STC1: variants seen among roughly 807,000 people sequenced by gnomAD.
STC1 encodes stanniocalcin 1.
A neutral mutation model predicts 22.6 loss-of-function variants in STC1; 7 were observed. The ratio of observed to expected loss-of-function variants is 0.31; its 90% CI spans 0.18 to 0.58. The LOEUF is 0.58. Ranked by LOEUF, STC1 falls within the 20% of genes least tolerant of loss-of-function variation. STC1 has a pLI of 0.89. For synonymous variants in STC1, 113 were observed against 120.7 expected (o/e 0.94, Z 0.42); for missense variants, 224 against 311.0 (o/e 0.72, Z 2.10).
At chr8:23,848,529 C>CAAAAAA (rs796433655) in intron 3 of STC1, among the ~76,000 whole-genome samples, 20 of 63,590 alleles carry the variant, frequency 3.1e-4, no homozygotes, top group Non-Finnish European at 3.9e-4. Context: ...GATACTCTGT[C>CAAAAAA]AAAAAAAAAA....
In STC1 at chr8:23,854,506, T is replaced by G; in HGVS notation, c.18A>C (p.Ala6=). 1.2e-6 allele frequency: 2 copies of G among 1,613,520 alleles called. No homozygotes were observed. Among genetic ancestry groups the G allele is most frequent in the Non-Finnish European group, 1.7e-6 (2 of 1,179,918 alleles). Residue 6 remains alanine, a synonymous_variant, in exon 1 of 4, where the codon GCA becomes GCC. Transcript: ENST00000290271. ...CACTGATCACCAGCACCAGAAGCACTGCTGAGTTTTGGAGCATTCTCTGAG... is the reference window on the plus strand; with the variant it reads ...CACTGATCACCAGCACCAGAAGCACGGCTGAGTTTTGGAGCATTCTCTGAG... MLQNS[A]VLLVLVISAS... is the part of the protein sequence containing the mutation.
chr8:23,845,126 G>A (rs570450161), intron 3 of STC1, 86 bp from the exon 4 acceptor site: 9 of 1,429,026 alleles, frequency 6.3e-6, no homozygotes, highest in South Asian at 5.0e-5. Flanking sequence ...TAGCCAACAC[G>A]AGTCCCTAAT....
At position 23,843,094 on chromosome 8, in the gene STC1, G is replaced by T. The variant is rs1802532965; in HGVS notation, c.*1676C>A. Reference sequence around the variant, plus strand: ...AAGCGAGTTTGGAGTGGCCCCTGCAGTCCTACCCCTCCTCCCTCTCTTCCT... The same window carrying T: ...AAGCGAGTTTGGAGTGGCCCCTGCATTCCTACCCCTCCTCCCTCTCTTCCT... On this transcript the variant is annotated 3_prime_UTR_variant, in exon 4 of 4. Coordinates refer to ENST00000290271, the MANE Select transcript of STC1 (RefSeq NM_003155.3). 1.3e-5 allele frequency: 2 copies of T among 152,654 alleles called. No individual in the cohort carries two copies. The highest frequency in any genetic ancestry group is 2.9e-5 in the Non-Finnish European group (2 of 68,162). The allele number at this position is 152,654 out of a possible 1,614,324, so 9.5% of individuals were successfully genotyped here.
Position 23,842,406 on chromosome 8 carries a change from T to C in STC1, c.*2364A>G, listed in dbSNP as rs1345984358. ...AACTGCTTCTTTCTGTATGTGTAGA[T>C]ATATGTATTGTAGATACATATATAG... On this transcript the variant is annotated 3_prime_UTR_variant, in exon 4 of 4. Transcript: ENST00000290271. 7.3e-6 allele frequency: 1 copy of C among 137,476 alleles called. No individual in the cohort carries two copies. The highest frequency in any genetic ancestry group is 2.1e-4 in the East Asian group (1 of 4,670). 8.5% of individuals were successfully genotyped at this position (137,476 alleles called of 1,614,324 possible). A position where few individuals can be genotyped will look rare whatever the true frequency, so the allele number is the denominator to read the frequency against.
intron 3 of STC1, 21 bp from the exon 4 acceptor site, chr8:23,845,061 C>T (rs1802555841): frequency 1.2e-6 from 2 of 1,610,652 alleles, no homozygotes; most frequent in Non-Finnish European, 1.7e-6. Flanking sequence ...AAAGAGAGTG[C>T]ATATGGTGGT....
rs1212777965 is a variant in STC1, at chr8:23,844,085, G to A, written c.*685C>T. On this transcript the variant is annotated 3_prime_UTR_variant, in exon 4 of 4. Transcript: ENST00000290271. ...CTCTGGTTTTAAGACAATTGTTAAA[G>A]ATACTTTTAAAGCTCTGAGCAGTTA... is the stretch of plus-strand genomic sequence containing the variant. The A allele has an allele frequency of 6.5e-6, 1 of 152,906 alleles. No homozygotes were observed. The highest frequency in any genetic ancestry group is 2.4e-5 in the African/African-American group (1 of 41,458). 9.5% of individuals were successfully genotyped at this position (152,906 alleles called of 1,614,324 possible). A position where few individuals can be genotyped will look rare whatever the true frequency, so the allele number is the denominator to read the frequency against.
chr8:23,849,028 A>G (rs1450387688), intron 3 of STC1, among the ~76,000 whole-genome samples: 1 of 152,050 alleles, frequency 6.6e-6, no homozygotes, highest in Non-Finnish European at 1.5e-5. Context: ...GCAGGTGGAA[A>G]CTCCAGCTAC....
At chr8:23,845,759 C>A (rs1046237104) in intron 3 of STC1, among the ~76,000 whole-genome samples, 2 of 152,170 alleles carry the variant, frequency 1.3e-5, no homozygotes, top group African/African-American at 4.8e-5. Context: ...AAATCCTAGG[C>A]AAGAAGTCTA....
chr8:23,854,353 G>T, intron 1 of STC1, 53 bp downstream of exon 1: 3 of 1,484,850 alleles, frequency 2.0e-6, no homozygotes, highest in Non-Finnish European at 2.8e-6. Context: ...AAAGGGAGAG[G>T]CAAATGAGGA....
chr8:23,846,639 G>A (rs1383567161), intron 3 of STC1, among the ~76,000 whole-genome samples: 1 of 152,184 alleles, frequency 6.6e-6, no homozygotes, highest in Non-Finnish European at 1.5e-5. Flanking sequence ...TCACCCTTCT[G>A]TGGCACAGCA....
chr8:23,844,926 G>C lies in STC1; in HGVS notation c.588C>G (p.Ile196Met). 1.2e-6 allele frequency: 2 copies of C among 1,614,152 alleles called. No individual in the cohort carries two copies. The highest frequency in any genetic ancestry group is 1.7e-6 in the Non-Finnish European group (2 of 1,180,040). The stretch of plus-strand genomic sequence containing the variant: ...TTTGGGCACAGTGGTCTGTCTGCAG[G>C]ATGTGGAAGAGGCTGGCCATGTTAG... ...IGPNMASLFHILQTDHCAQTH... is the reference protein window; with the variant it reads ...IGPNMASLFHMLQTDHCAQTH... The change falls in exon 4 of 4, where the codon ATC (isoleucine) becomes ATG (methionine). Residue 196 changes from isoleucine to methionine, a missense_variant. Ile to Met is a conservative substitution (Grantham distance 10). Transcript: ENST00000290271.
At chr8:23,852,198 T>C (rs1802646097) in intron 2 of STC1, 44 bp downstream of exon 2, 2 of 1,613,020 alleles carry the variant, frequency 1.2e-6, no homozygotes, top group Non-Finnish European at 1.7e-6. Flanking sequence ...AACACACTGT[T>C]AAAGACAAGC....
chr8:23,854,372 T>C, intron 1 of STC1, 34 bp downstream of exon 1: 1 of 1,581,608 alleles, frequency 6.3e-7, no homozygotes. Context: ...GACAGCTCTT[T>C]GGGGGAGAAA....
chr8:23,854,385 G>T, intron 1 of STC1, 21 bp downstream of exon 1: 1 of 1,604,556 alleles, frequency 6.2e-7, no homozygotes. Context: ...GGGAGAAACC[G>T]CTCTTGGGTT....
At chr8:23,851,557 A>T (rs780240096) in intron 2 of STC1, 26 bp from the exon 3 acceptor site, 15 of 1,611,250 alleles carry the variant, frequency 9.3e-6, no homozygotes, top group Middle Eastern at 3.3e-4. Flanking sequence ...GACAAGAGGG[A>T]GGTCTTTAGC....
Position 23,854,428 on chromosome 8 carries a change from G to T in STC1, c.96C>A (p.Ser32=). 1.2e-6 allele frequency: 2 copies of T among 1,614,096 alleles called. No homozygotes were observed. Among genetic ancestry groups the T allele is most frequent in the Non-Finnish European group, 1.7e-6 (2 of 1,180,016 alleles). ...EQNDSVSPRK[S]RVAAQNSAEV... The stretch of plus-strand genomic sequence containing the variant: ...TACCTGAGTTTTGAGCCGCCACTCG[G>T]GATTTCCTGGGGCTCACAGAGTCAT... The change falls in exon 1 of 4, where the codon TCC becomes TCA. Residue 32 remains serine (S), a synonymous_variant. Coordinates refer to ENST00000290271, the MANE Select transcript of STC1 (RefSeq NM_003155.3).
Position 23,844,490 on chromosome 8 carries a change from G to C in STC1, c.*280C>G, listed in dbSNP as rs1436516508. The stretch of plus-strand genomic sequence containing the variant: ...TTTGTGTTTGGGGGTGGTCTCAGGG[G>C]AGCAGGGGAAAAACATGGCAGAGGA... On this transcript the variant is annotated 3_prime_UTR_variant, in exon 4 of 4. Coordinates refer to ENST00000290271, the MANE Select transcript of STC1 (RefSeq NM_003155.3). 2 of 456,602 alleles carry C rather than the reference G, an allele frequency of 4.4e-6. No homozygotes were observed. Among genetic ancestry groups the C allele is most frequent in the Admixed American group, 7.2e-5 (2 of 27,770 alleles). The allele number at this position is 456,602 out of a possible 1,614,324, so 28.3% of individuals were successfully genotyped here.
At chr8:23,854,110 C>T (rs992761560) in intron 1 of STC1, 80 of 1,219,238 alleles carry the variant, frequency 6.6e-5, no homozygotes, top group Non-Finnish European at 7.7e-5. Context: ...AGCCTTTCCT[C>T]CCCTCTCACC....
At chr8:23,850,210 T>C (rs1312361176) in intron 3 of STC1, among the ~76,000 whole-genome samples, 2 of 152,254 alleles carry the variant, frequency 1.3e-5, no homozygotes, top group African/African-American at 4.8e-5. Flanking sequence ...AAATCACTTG[T>C]AAGCCCCAGA....
Sources: gnomAD v4.1 joint callset for allele counts (sites outside exome capture counted in the v4.1 genomes callset) on GRCh38, gnomAD v4.1.1 for gene constraint, MANE v1.5 for transcripts, NCBI Gene and HGNC (gene_info 2026-07-23, HGNC 2026-07-21) for gene names.